Variants in CCDC149 observed in about 807,000 individuals in gnomAD.
The protein encoded by CCDC149 is coiled-coil domain-containing protein 149.
CCDC149 carries 45 observed loss-of-function variants against 59.9 expected under a neutral mutation model. The ratio of observed to expected loss-of-function variants is 0.75; its 90% CI spans 0.59 to 0.96. The LOEUF is 0.96. CCDC149 is among the 40% of genes least tolerant of loss of function. The pLI is 0.00. For missense variants in CCDC149, 584 were observed against 664.7 expected (o/e 0.88, Z 1.33); for synonymous variants, 245 against 260.6 (o/e 0.94, Z 0.58).
At chr4:24,859,626 G>T (rs879302848) in intron 3 of CCDC149, among the ~76,000 whole-genome samples, 1 of 152,088 alleles carries the variant, frequency 6.6e-6, no homozygotes, top group Non-Finnish European at 1.5e-5. Context: ...GAAATAAAAG[G>T]CATCCAAATC....
intron 9 of CCDC149, chr4:24,827,920 C>A (rs551088486): frequency 6.6e-6 from 1 of 152,118 alleles, no homozygotes; most frequent in East Asian, 1.9e-4. Context: ...TCTAAGATTG[C>A]AATTGGGTCA....
At chr4:24,825,646 G>A (rs1358883775) in intron 9 of CCDC149, among the ~76,000 whole-genome samples, 1 of 151,826 alleles carries the variant, frequency 6.6e-6, no homozygotes, top group African/African-American at 2.4e-5. Context: ...GGTGGCAGGC[G>A]CCTGTAGTCC....
In CCDC149 at chr4:24,969,195, A is replaced by G. The variant is rs143187081; in HGVS notation, c.-65+10874T>C. On this transcript the variant is annotated intron_variant, in intron 1 of 12. Coordinates refer to the CCDC149 transcript ENST00000389609. The stretch of plus-strand genomic sequence containing the variant: ...AACAGAGGCAGCTGCCCAGTGTTAC[A>G]CAAGTAACGATAGGGTGAGTGCCCT... Among the ~76,000 whole-genome samples, 759 of 152,348 alleles carry G rather than the reference A, an allele frequency of 5.0e-3. 5 individuals carry two copies. Among genetic ancestry groups the G allele is most frequent in the African/African-American group, 0.018 (728 of 41,576 alleles).
intron 1 of CCDC149, among the ~76,000 whole-genome samples, chr4:24,929,208 C>T (rs973291084): frequency 5.9e-5 from 9 of 152,166 alleles, no homozygotes; most frequent in Non-Finnish European, 1.3e-4. Context: ...TGCCAAGCAG[C>T]CCTGCTCTGC....
chr4:24,940,211 A>G (rs1453271702), intron 1 of CCDC149, among the ~76,000 whole-genome samples: 1 of 152,242 alleles, frequency 6.6e-6, no homozygotes, highest in Admixed American at 6.5e-5. Context: ...CAGAAACTCT[A>G]CAAGCCAGAA....
chr4:24,924,301 C>T (rs1722377957), intron 1 of CCDC149, among the ~76,000 whole-genome samples: 1 of 151,422 alleles, frequency 6.6e-6, no homozygotes, highest in Non-Finnish European at 1.5e-5. Flanking sequence ...TCATCTTACA[C>T]ATGTGAAAAC....
At position 24,837,578 on chromosome 4, in the gene CCDC149, A is replaced by T. The variant is rs927461268; in HGVS notation, c.490-178T>A. 8.5e-5 allele frequency among the ~76,000 whole-genome samples: 13 copies of T among 152,212 alleles called. No homozygotes were observed. Among genetic ancestry groups the T allele is most frequent in the Non-Finnish European group, 1.5e-4 (10 of 68,026 alleles). The stretch of plus-strand genomic sequence containing the variant: ...CAATAACAGCTAAAAGCGAGGGATG[A>T]CTTCCTGCCAGACATTCATTATATT... On this transcript the variant is annotated intron_variant, in intron 5 of 12. Transcript: ENST00000635206. This position sits in a 1 kb window ranked among gnomAD's most constrained non-coding sequence, Gnocchi z 4.3.
In CCDC149 at chr4:24,882,197, G is replaced by A. The variant is rs564568767; in HGVS notation, c.64-5500C>T. Among the ~76,000 whole-genome samples the A allele has an allele frequency of 4.6e-5, 7 of 152,176 alleles. No homozygotes were observed. In the East Asian group the frequency reaches 1.4e-3, roughly 29 times the overall value. On this transcript the variant is annotated intron_variant, in intron 1 of 12. Transcript: ENST00000635206. ...TCCTCAGATGCAAAGCCTGAAGGAAGATGGAAAAAAAAAGTTTAAAAATCC... is the reference window on the plus strand; with the variant it reads ...TCCTCAGATGCAAAGCCTGAAGGAAAATGGAAAAAAAAAGTTTAAAAATCC...
intron 1 of CCDC149, among the ~76,000 whole-genome samples, chr4:24,905,937 C>T (rs1721483806): frequency 6.6e-6 from 1 of 152,206 alleles, no homozygotes; most frequent in Non-Finnish European, 1.5e-5. Flanking sequence ...CCCCTTCTCT[C>T]TTTCCCCATT....
intron 1 of CCDC149, among the ~76,000 whole-genome samples, chr4:24,923,906 A>G (rs1022132737): frequency 1.3e-5 from 2 of 152,222 alleles, no homozygotes; most frequent in African/African-American, 4.8e-5. Context: ...GGCCACTCTG[A>G]GCCCTAGATT....
At chr4:24,907,347 C>G (rs1017519884) in intron 1 of CCDC149, among the ~76,000 whole-genome samples, 2 of 152,140 alleles carry the variant, frequency 1.3e-5, no homozygotes, top group African/African-American at 4.8e-5. Flanking sequence ...TCTCCCTCTT[C>G]GAAAAGAAGC....
Position 24,892,207 on chromosome 4 carries a change from C to T in CCDC149, c.64-15510G>A, listed in dbSNP as rs138606227. Reference sequence around the variant, plus strand: ...AGTCAGAGTCCCCTCTGGATTCCAACTCCTGCCCTACCACTTCTAGCTGAA... The same window carrying T: ...AGTCAGAGTCCCCTCTGGATTCCAATTCCTGCCCTACCACTTCTAGCTGAA... On this transcript the variant is annotated intron_variant, in intron 1 of 12. Transcript: ENST00000635206. 2.5e-3 allele frequency among the ~76,000 whole-genome samples: 381 copies of T among 152,314 alleles called. 3 individuals carry two copies. Among genetic ancestry groups the T allele is most frequent in the African/African-American group, 8.7e-3 (362 of 41,574 alleles).
chr4:24,858,138 C>A (rs951274757), intron 3 of CCDC149, among the ~76,000 whole-genome samples: 6 of 152,176 alleles, frequency 3.9e-5, no homozygotes, highest in Admixed American at 3.9e-4. Flanking sequence ...TTCACTATAA[C>A]AATCCATCAA....
chr4:24,874,244 GTTTTTT>G (rs5856868), intron 2 of CCDC149, among the ~76,000 whole-genome samples: 3 of 87,488 alleles, frequency 3.4e-5, no homozygotes, highest in African/African-American at 5.8e-5. Context: ...TATTAGATTT[GTTTTTT>G]TTTTTTTTTG....
chr4:24,846,516 A>T (rs1717298830), intron 4 of CCDC149, among the ~76,000 whole-genome samples: 1 of 152,132 alleles, frequency 6.6e-6, no homozygotes, highest in Non-Finnish European at 1.5e-5. Context: ...TTTTTAACGA[A>T]GTGTACCTTA....
chr4:24,842,227 T>C (rs1461716270), intron 4 of CCDC149, among the ~76,000 whole-genome samples: 1 of 152,192 alleles, frequency 6.6e-6, no homozygotes, highest in Non-Finnish European at 1.5e-5. Flanking sequence ...ATATAATGTG[T>C]TTAATAAGTA....
In CCDC149 at chr4:24,808,622, GTTTAA is replaced by G. The variant is rs1170724757; in HGVS notation, c.1385_1389del (p.Ile462ThrfsTer25). On this transcript the variant is annotated frameshift_variant, in exon 13 of 13. Transcript: ENST00000635206. LOFTEE classifies it low-confidence loss of function (END_TRUNC). ...TCTGCAGCTGCCTGTTCCTTTGTCA[GTTTAA>G]TTATTTCCCTCCCAAGGCTGTTTAC... is the stretch of plus-strand genomic sequence containing the variant. 1.3e-6 allele frequency: 2 copies of G among 1,552,210 alleles called. No individual in the cohort carries two copies. Among genetic ancestry groups the G allele is most frequent in the African/African-American group, 2.7e-5 (2 of 73,048 alleles).
intron 3 of CCDC149, among the ~76,000 whole-genome samples, chr4:24,863,060 A>AG (rs1220048130): frequency 6.6e-6 from 1 of 152,198 alleles, no homozygotes; most frequent in Non-Finnish European, 1.5e-5. Context: ...TGGGGGGCTG[A>AG]GGCGGGAGGA....
chr4:24,888,257 A>G (rs1237131923), intron 1 of CCDC149, among the ~76,000 whole-genome samples: 1 of 152,220 alleles, frequency 6.6e-6, no homozygotes, highest in East Asian at 1.9e-4. Context: ...AGTTCCCACC[A>G]AGCTGAATAT....
Sources: gnomAD v4.1 joint callset for allele counts (sites outside exome capture counted in the v4.1 genomes callset) on GRCh38, gnomAD v4.1.1 for gene constraint, Gnocchi (gnomAD v3.1) non-coding constraint, MANE v1.5 for transcripts, NCBI Gene and HGNC (gene_info 2026-07-23, HGNC 2026-07-21) for gene names.